Variants in CDH4 observed in about 807,000 individuals in gnomAD.
CDH4 encodes the protein cadherin 4, also known as cadherin-4.
CDH4 carries 33 observed loss-of-function variants against 86.0 expected under a neutral mutation model. That is an observed-to-expected ratio of 0.38 (90% confidence interval 0.29 to 0.51). CDH4 has a LOEUF of 0.51. Ranked by LOEUF, CDH4 falls within the 20% of genes least tolerant of loss-of-function variation. The pLI is 0.86. For synonymous variants in CDH4, 555 were observed against 549.4 expected (o/e 1.01, Z -0.14); for missense variants, 1,114 against 1,307.4 (o/e 0.85, Z 2.28).
intron 2 of CDH4, among the ~76,000 whole-genome samples, chr20:61,716,518 A>C (rs548792762): frequency 6.6e-6 from 1 of 152,334 alleles, no homozygotes; most frequent in Admixed American, 6.5e-5. Flanking sequence ...ACCTGTCCAC[A>C]GGCACCCACT....
At chr20:61,932,886 C>T (rs2055130859) in intron 13 of CDH4, 99 bp from the exon 14 acceptor site, 3 of 1,477,874 alleles carry the variant, frequency 2.0e-6, no homozygotes, top group Admixed American at 2.0e-5. Flanking sequence ...GCTTGTGTGC[C>T]ACCTGCATGT....
rs550015736 is a variant in CDH4, at chr20:61,770,001, C to T, written c.397-3002C>T. On this transcript the variant is annotated intron_variant, in intron 3 of 15. Transcript: ENST00000614565. ...AGATGCAGAGTCCTGCTGTCCTGCT[C>T]ATCGGACATTCAGTACCTATGAGGC... Among the ~76,000 whole-genome samples the T allele has an allele frequency of 2.0e-4, 31 of 152,326 alleles. No homozygotes were observed. In the East Asian group the frequency reaches 5.8e-3, roughly 28 times the overall value.
At chr20:61,565,518 A>G (rs1163328938) in intron 2 of CDH4, among the ~76,000 whole-genome samples, 1 of 151,734 alleles carries the variant, frequency 6.6e-6, no homozygotes, top group East Asian at 1.9e-4. Flanking sequence ...TGTTTCAGGC[A>G]TTTCTTCCCT....
intron 2 of CDH4, among the ~76,000 whole-genome samples, chr20:61,557,344 C>T (rs942423002): frequency 6.6e-6 from 1 of 152,208 alleles, no homozygotes; most frequent in South Asian, 2.1e-4. Flanking sequence ...CACAACCCAG[C>T]GGCAGGTCCC....
At chr20:61,818,866 A>G (rs1234757343) in intron 4 of CDH4, among the ~76,000 whole-genome samples, 1 of 151,872 alleles carries the variant, frequency 6.6e-6, no homozygotes, top group Non-Finnish European at 1.5e-5. Context: ...CGGCAGTCCA[A>G]GCAGAAGGTG....
At chr20:61,399,800 G>C (rs925515704) in intron 2 of CDH4, among the ~76,000 whole-genome samples, 5 of 152,202 alleles carry the variant, frequency 3.3e-5, no homozygotes, top group African/African-American at 1.2e-4. Context: ...GATCCTGAGG[G>C]GAGGAACTCA....
At chr20:61,600,168 G>A (rs574590453) in intron 2 of CDH4, among the ~76,000 whole-genome samples, 1 of 152,256 alleles carries the variant, frequency 6.6e-6, no homozygotes, top group African/African-American at 2.4e-5. Context: ...GCGCGAGGGC[G>A]TGGCGGTGAG....
intron 2 of CDH4, among the ~76,000 whole-genome samples, chr20:61,609,020 G>C (rs1392027610): frequency 6.6e-6 from 1 of 152,222 alleles, no homozygotes; most frequent in East Asian, 1.9e-4. Flanking sequence ...CCTGAGCTCA[G>C]TGCCCAGCTC....
intron 9 of CDH4, among the ~76,000 whole-genome samples, chr20:61,920,314 G>C (rs2054961760): frequency 6.7e-6 from 1 of 148,374 alleles, no homozygotes; most frequent in African/African-American, 2.5e-5. Flanking sequence ...TTGTGTGGAA[G>C]CGTGGTGTGA....
At chr20:61,803,902 C>T (rs777215679) in intron 4 of CDH4, among the ~76,000 whole-genome samples, 7 of 152,256 alleles carry the variant, frequency 4.6e-5, no homozygotes, top group African/African-American at 1.2e-4. Flanking sequence ...AGCGTGAGGC[C>T]GGCCCCCGCT....
intron 4 of CDH4, among the ~76,000 whole-genome samples, chr20:61,800,122 C>G (rs955593009): frequency 6.6e-6 from 1 of 152,214 alleles, no homozygotes; most frequent in Non-Finnish European, 1.5e-5. Context: ...CCTCTACTCC[C>G]TCCTTGAAGC....
At chr20:61,535,842 A>C (rs1429416472) in intron 2 of CDH4, among the ~76,000 whole-genome samples, 1 of 151,594 alleles carries the variant, frequency 6.6e-6, no homozygotes, top group Non-Finnish European at 1.5e-5. Context: ...GGGCATTCGA[A>C]CCCCCTGTTC....
At chr20:61,525,853 C>T (rs916605002) in intron 2 of CDH4, among the ~76,000 whole-genome samples, 1 of 152,110 alleles carries the variant, frequency 6.6e-6, no homozygotes, top group Non-Finnish European at 1.5e-5. Flanking sequence ...CCGGGCCGGG[C>T]ACCGTAAGTC....
At chr20:61,302,462 T>G (rs1015545706) in intron 2 of CDH4, among the ~76,000 whole-genome samples, 20 of 151,496 alleles carry the variant, frequency 1.3e-4, no homozygotes, top group Admixed American at 1.2e-3. Context: ...GGATGTTTCC[T>G]GTATGTGTTT....
At chr20:61,805,411 G>C (rs1454437707) in intron 4 of CDH4, among the ~76,000 whole-genome samples, 1 of 152,214 alleles carries the variant, frequency 6.6e-6, no homozygotes, top group African/African-American at 2.4e-5. Context: ...GTGTCCCACA[G>C]AGCCACACCC....
chr20:61,283,489 TAGGTGCATTTGCACGC>T lies in CDH4; in HGVS notation c.169+28553_169+28568del, dbSNP rs1568781074. Among the ~76,000 whole-genome samples the T allele has an allele frequency of 8.0e-4, 67 of 84,152 alleles. 3 individuals are homozygous for T. Among genetic ancestry groups the T allele is most frequent in the Non-Finnish European group, 8.9e-4 (36 of 40,510 alleles). 55.2% of individuals were successfully genotyped at this position (84,152 alleles called of 152,430 possible). On this transcript the variant is annotated intron_variant, in intron 2 of 15. Transcript: ENST00000614565. ...CACGCGTGTGCTGTGGTGTGTGATG[TAGGTGCATTTGCACGC>T]GTGTGCTGTGGTGTGTGATGTAGGT...
At chr20:61,747,819 G>A (rs977348497) in intron 3 of CDH4, among the ~76,000 whole-genome samples, 1 of 152,154 alleles carries the variant, frequency 6.6e-6, no homozygotes, top group African/African-American at 2.4e-5. Flanking sequence ...ATATGAGGGG[G>A]AGAGAGAAAA....
Position 61,517,405 on chromosome 20 carries a change from G to A in CDH4, c.170-226158G>A, listed in dbSNP as rs2085829623. On this transcript the variant is annotated intron_variant, in intron 2 of 15. Coordinates refer to ENST00000614565, the MANE Select transcript of CDH4 (RefSeq NM_001794.5). The surrounding 1 kb of genome is among the most constrained non-coding windows in gnomAD (Gnocchi z 6.6). ...AGACAAGGTCTCGCCGTGTTTCCCA[G>A]GCTGGTCTCAAGTGCCTGGCCTCAA... 6.6e-6 allele frequency among the ~76,000 whole-genome samples: 1 copy of A among 152,146 alleles called. No individual in the cohort carries two copies. The highest frequency in any genetic ancestry group is 6.6e-5 in the Admixed American group (1 of 15,266).
At chr20:61,536,269 A>G (rs2085996602) in intron 2 of CDH4, among the ~76,000 whole-genome samples, 1 of 152,172 alleles carries the variant, frequency 6.6e-6, no homozygotes, top group Admixed American at 6.5e-5. Context: ...CCGAACCCAG[A>G]AGTCCCTAAG....
Sources: allele counts gnomAD v4.1 joint callset (sites outside exome capture counted in the v4.1 genomes callset), GRCh38; gene constraint gnomAD v4.1.1; non-coding constraint Gnocchi (gnomAD v3.1); transcripts MANE v1.5; gene names NCBI Gene and HGNC (gene_info 2026-07-23, HGNC 2026-07-21).